TENM1: variants seen among roughly 807,000 people sequenced by gnomAD.
TENM1 encodes the protein teneurin transmembrane protein 1.
A neutral mutation model predicts 174.8 loss-of-function variants in TENM1; 35 were observed. The observed-to-expected ratio is 0.20, with a 90% CI of 0.15 to 0.27. The LOEUF (loss-of-function observed/expected upper bound fraction) is 0.27, where lower values mean the gene tolerates loss of function less well. TENM1 is among the 10% of genes least tolerant of loss of function. The pLI is 1.00. For missense variants in TENM1, 1,633 were observed against 2,130.1 expected (o/e 0.77, Z 4.59); for synonymous variants, 781 against 798.7 (o/e 0.98, Z 0.37).
chrX:124,461,987 AATATAT>A (rs749906230), intron 22 of TENM1, among the ~76,000 whole-genome samples: 2 of 111,456 alleles, frequency 1.8e-5, no homozygotes, highest in Admixed American at 1.9e-4. Flanking sequence ...ATAGCTCCCA[AATATAT>A]ATATCTATAT....
At chrX:124,848,249 T>A (rs1471394720) in intron 3 of TENM1, among the ~76,000 whole-genome samples, 2 of 110,198 alleles carry the variant, frequency 1.8e-5, no homozygotes, top group Admixed American at 1.9e-4. Flanking sequence ...TCTCTTGATA[T>A]CATACAGCCT....
chrX:124,585,343 ACCACAGTG>A (rs1169562025), intron 11 of TENM1, among the ~76,000 whole-genome samples: 2 of 111,573 alleles, frequency 1.8e-5, no homozygotes, highest in Non-Finnish European at 3.8e-5. Context: ...TGTCTCTCAG[ACCACAGTG>A]CCATCAAACT....
the TENM1 span, among the ~76,000 whole-genome samples, chrX:125,014,371 C>T: frequency 8.9e-6 from 1 of 112,549 alleles, no homozygotes; most frequent in South Asian, 3.6e-4. Flanking sequence ...CTTCTGCTTA[C>T]GCAGAAAAAG....
At chrX:124,463,863 GTGTGTGTGTGTGTGGA>G (rs2061210409) in intron 22 of TENM1, among the ~76,000 whole-genome samples, 1 of 106,967 alleles carries the variant, frequency 9.3e-6, no homozygotes, top group African/African-American at 3.4e-5. Flanking sequence ...GTGTGTGTGT[GTGTGTGTGTGTGTGGA>G]GAGAGAGAGA....
At chrX:124,814,567 G>A (rs1197134125) in intron 3 of TENM1, among the ~76,000 whole-genome samples, 1 of 110,351 alleles carries the variant, frequency 9.1e-6, no homozygotes, top group Admixed American at 9.8e-5. Flanking sequence ...CTCTTCCCTT[G>A]TCCCTCCACC....
At chrX:125,168,374 C>G in the TENM1 span, among the ~76,000 whole-genome samples, 1 of 111,528 alleles carries the variant, frequency 9.0e-6, no homozygotes, top group Non-Finnish European at 1.9e-5. Flanking sequence ...GTTGTCCATA[C>G]CAAGGTACTT....
At chrX:125,194,809 C>G in the TENM1 span, among the ~76,000 whole-genome samples, 1 of 111,923 alleles carries the variant, frequency 8.9e-6, no homozygotes, top group Non-Finnish European at 1.9e-5. Context: ...TGTTCTTTCA[C>G]AGCCCTAAGG....
the TENM1 span, among the ~76,000 whole-genome samples, chrX:125,197,393 C>T: frequency 3.4e-4 from 38 of 110,919 alleles, no homozygotes; most frequent in African/African-American, 1.2e-3. Flanking sequence ...AAAGGGAAAC[C>T]GAGGCTATAG....
chrX:125,056,946 T>C, the TENM1 span, among the ~76,000 whole-genome samples: 1 of 111,457 alleles, frequency 9.0e-6, no homozygotes, highest in African/African-American at 3.3e-5. Context: ...AAATAGTCTC[T>C]GGTTTTTCCC....
At chrX:125,073,387 A>G in the TENM1 span, among the ~76,000 whole-genome samples, 2 of 111,537 alleles carry the variant, frequency 1.8e-5, no homozygotes, top group African/African-American at 3.3e-5. Flanking sequence ...CATAAAATGT[A>G]TCTCAAAAAA....
the TENM1 span, among the ~76,000 whole-genome samples, chrX:125,172,957 A>G: frequency 9.0e-6 from 1 of 111,573 alleles, no homozygotes. Context: ...ACTGCAAGAA[A>G]CTGAGGGTGC....
chrX:124,470,718 G>A (rs1387440637), intron 22 of TENM1, among the ~76,000 whole-genome samples: 2 of 110,218 alleles, frequency 1.8e-5, no homozygotes, highest in Non-Finnish European at 1.9e-5. Flanking sequence ...TTTCTTCCTT[G>A]ACTTACGGTA....
chrX:124,402,235 G>A (rs2060408306), intron 27 of TENM1, among the ~76,000 whole-genome samples: 1 of 111,939 alleles, frequency 8.9e-6, no homozygotes, highest in African/African-American at 3.3e-5. Flanking sequence ...TTCACTCTGA[G>A]GCACTAAACA....
chrX:124,705,659 T>A (rs1221402725), intron 4 of TENM1, among the ~76,000 whole-genome samples: 1 of 111,718 alleles, frequency 9.0e-6, no homozygotes, highest in Non-Finnish European at 1.9e-5. Context: ...TTATCCTCAC[T>A]ACCAAACTTT....
rs780043829 is a variant in TENM1, at chrX:124,532,643, AT to A, written c.2652-2661del. 4.4e-4 allele frequency among the ~76,000 whole-genome samples: 49 copies of A among 112,001 alleles called. 1 individual carries two copies. The highest frequency in any genetic ancestry group is 5.6e-5 in the Non-Finnish European group (3 of 53,181). ...TCATTTCACTCTTCATCACTCATAA[AT>A]AATGCTCACAGACTTGTCTTTCAAC... On this transcript the variant is annotated intron_variant, in intron 15 of 31. Coordinates refer to ENST00000422452, the Ensembl canonical transcript of TENM1.
At chrX:124,481,522 C>T (rs1444467770) in intron 22 of TENM1, among the ~76,000 whole-genome samples, 1 of 109,295 alleles carries the variant, frequency 9.1e-6, no homozygotes, top group East Asian at 2.9e-4. Context: ...CAGCTATAAC[C>T]ATACTAATGA....
At chrX:124,566,106 T>A (rs892717136) in intron 11 of TENM1, among the ~76,000 whole-genome samples, 1 of 111,141 alleles carries the variant, frequency 9.0e-6, no homozygotes, top group Non-Finnish European at 1.9e-5. Flanking sequence ...GGGGGAAAAA[T>A]CCCAATAAAA....
chrX:124,553,886 CTT>C (rs2048636690), intron 14 of TENM1, among the ~76,000 whole-genome samples: 1 of 111,779 alleles, frequency 8.9e-6, no homozygotes, highest in Non-Finnish European at 1.9e-5. Context: ...AGGCAGATCA[CTT>C]GATGTCAGGA....
the TENM1 span, among the ~76,000 whole-genome samples, chrX:125,146,685 A>G: frequency 2.7e-5 from 3 of 111,431 alleles, no homozygotes; most frequent in African/African-American, 6.5e-5. Flanking sequence ...ACTAGAATGC[A>G]TATCTAGTGA....
Sources: gnomAD v4.1 joint callset for allele counts (sites outside exome capture counted in the v4.1 genomes callset) on GRCh38, gnomAD v4.1.1 for gene constraint, MANE v1.5 for transcripts, NCBI Gene and HGNC (gene_info 2026-07-23, HGNC 2026-07-21) for gene names.